Variants in CNTN3 observed in about 807,000 individuals in gnomAD.
CNTN3 encodes the protein contactin-3.
A neutral mutation model predicts 119.1 loss-of-function variants in CNTN3; 60 were observed. The ratio of observed to expected loss-of-function variants is 0.50; its 90% CI spans 0.41 to 0.62. The LOEUF is 0.62. CNTN3 is among the 20% of genes least tolerant of loss of function. The pLI, the probability that CNTN3 is intolerant of heterozygous loss-of-function variation, is 0.00. For missense variants in CNTN3, 1,101 were observed against 1,242.4 expected (o/e 0.89, Z 1.71); for synonymous variants, 450 against 438.7 (o/e 1.03, Z -0.32).
chr3:74,575,578 G>C (rs1704401177), intron 1 of CNTN3, among the ~76,000 whole-genome samples: 1 of 140,568 alleles, frequency 7.1e-6, no homozygotes, highest in Non-Finnish European at 1.5e-5. Flanking sequence ...ATATTCAACT[G>C]TGATTCATTT....
intron 5 of CNTN3, among the ~76,000 whole-genome samples, chr3:74,373,983 T>C (rs1704406621): frequency 6.6e-6 from 1 of 152,166 alleles, no homozygotes; most frequent in Non-Finnish European, 1.5e-5. Flanking sequence ...CACAGTTGAC[T>C]GATGGCCTCT....
At chr3:74,468,529 G>A (rs1388492435) in intron 4 of CNTN3, among the ~76,000 whole-genome samples, 1 of 152,040 alleles carries the variant, frequency 6.6e-6, no homozygotes, top group African/African-American at 2.4e-5. Context: ...TGATAGAGAT[G>A]ACCCCATTCT....
intron 19 of CNTN3, among the ~76,000 whole-genome samples, chr3:74,285,813 ATATATATATATATATATATATATAT>A (rs1702103251): frequency 8.0e-5 from 9 of 111,878 alleles, no homozygotes; most frequent in African/African-American, 4.3e-4. Context: ...ATATATATAT[ATATATATATATATATATATATATAT>A]AAAATTAAAA....
chr3:74,329,996 C>G (rs143840339), intron 13 of CNTN3, among the ~76,000 whole-genome samples: 1 of 152,140 alleles, frequency 6.6e-6, no homozygotes, highest in Non-Finnish European at 1.5e-5. Context: ...AATACAGTTA[C>G]GTGTCACCAC....
intron 5 of CNTN3, among the ~76,000 whole-genome samples, chr3:74,390,596 T>A (rs1704874745): frequency 6.6e-6 from 1 of 152,070 alleles, no homozygotes; most frequent in South Asian, 2.1e-4. Flanking sequence ...AGGTAAGCAG[T>A]CCTTACTTGG....
chr3:74,454,048 T>C (rs1312189220), intron 4 of CNTN3, among the ~76,000 whole-genome samples: 5 of 140,618 alleles, frequency 3.6e-5, no homozygotes, highest in Non-Finnish European at 7.7e-5. Flanking sequence ...AGAGCTGAGT[T>C]CAATTCCTGG....
chr3:74,497,781 AG>A (rs1201289864), intron 3 of CNTN3, among the ~76,000 whole-genome samples: 2 of 151,888 alleles, frequency 1.3e-5, no homozygotes, highest in African/African-American at 4.8e-5. Context: ...TATAAATGCC[AG>A]GATGACATCC....
At chr3:74,515,457 A>G (rs1319985234) in intron 2 of CNTN3, among the ~76,000 whole-genome samples, 2 of 152,024 alleles carry the variant, frequency 1.3e-5, no homozygotes, top group African/African-American at 4.8e-5. Flanking sequence ...TGGCATACAC[A>G]TACTATAAAG....
chr3:74,333,816 C>T (rs1248626692), intron 13 of CNTN3, among the ~76,000 whole-genome samples: 1 of 152,140 alleles, frequency 6.6e-6, no homozygotes, highest in South Asian at 2.1e-4. Context: ...AAGTCTTTGT[C>T]AAATGAACAC....
intron 11 of CNTN3, among the ~76,000 whole-genome samples, chr3:74,353,745 G>GAC (rs961699830): frequency 6.6e-5 from 10 of 151,864 alleles, no homozygotes; most frequent in African/African-American, 2.4e-4. Context: ...GACAGAGCGA[G>GAC]ACTCCGTCTC....
At chr3:74,360,890 G>A (rs915684543) in intron 11 of CNTN3, among the ~76,000 whole-genome samples, 5 of 151,968 alleles carry the variant, frequency 3.3e-5, no homozygotes, top group Non-Finnish European at 5.9e-5. Flanking sequence ...GGGCTCAGAT[G>A]ATTACTTTGG....
At chr3:74,578,854 T>C (rs1377854282) in intron 1 of CNTN3, among the ~76,000 whole-genome samples, 1 of 151,960 alleles carries the variant, frequency 6.6e-6, no homozygotes, top group African/African-American at 2.4e-5. Context: ...AGGATAAAAT[T>C]AAATGACACA....
chr3:74,471,370 C>T lies in CNTN3; in HGVS notation c.358+15086G>A, dbSNP rs77025550. 5.4e-3 allele frequency among the ~76,000 whole-genome samples: 825 copies of T among 152,242 alleles called. 4 individuals are homozygous for T. Among genetic ancestry groups the T allele is most frequent in the African/African-American group, 0.019 (782 of 41,540 alleles). Reference sequence around the variant, plus strand: ...AAAAAAAAGAAAAATACTCCACATTCCCCACATGCCATCCATTACTGCATT... The same window carrying T: ...AAAAAAAAGAAAAATACTCCACATTTCCCACATGCCATCCATTACTGCATT... On this transcript the variant is annotated intron_variant, in intron 4 of 22. Transcript: ENST00000263665.
chr3:74,488,948 G>A (rs1702910586), intron 3 of CNTN3, among the ~76,000 whole-genome samples: 1 of 152,094 alleles, frequency 6.6e-6, no homozygotes, highest in Non-Finnish European at 1.5e-5. Flanking sequence ...ATGAACATTT[G>A]TGTCACTATG....
chr3:74,263,683 G>C lies in CNTN3; in HGVS notation c.*718C>G, dbSNP rs886222308. 4 of 151,912 alleles carry C rather than the reference G, an allele frequency of 2.6e-5. No individual in the cohort carries two copies. Among genetic ancestry groups the C allele is most frequent in the Non-Finnish European group, 5.9e-5 (4 of 67,944 alleles). The allele number at this position is 151,912 out of a possible 1,614,324, so 9.4% of individuals were successfully genotyped here. ...ATTTTGCATGGGTCAATTGCATTTG[G>C]GGTGACAAAAGCACTTTCATACTTC... is the stretch of plus-strand genomic sequence containing the variant. On this transcript the variant is annotated 3_prime_UTR_variant, in exon 23 of 23. Coordinates refer to ENST00000263665, the MANE Select transcript of CNTN3 (RefSeq NM_020872.3).
At chr3:74,426,554 C>T (rs1194693275) in intron 4 of CNTN3, among the ~76,000 whole-genome samples, 4 of 152,074 alleles carry the variant, frequency 2.6e-5, no homozygotes, top group African/African-American at 9.7e-5. Context: ...GTTATTGTTA[C>T]TGAAAAATAG....
chr3:74,448,558 C>A (rs1234995029), intron 4 of CNTN3, among the ~76,000 whole-genome samples: 1 of 152,196 alleles, frequency 6.6e-6, no homozygotes, highest in East Asian at 1.9e-4. Context: ...ACCTGCTAAC[C>A]TGAGGAACTT....
chr3:74,594,273 C>CTTTTTTTTTTTTTTTTTTTTT (rs59436860), intron 1 of CNTN3, among the ~76,000 whole-genome samples: 1 of 112,056 alleles, frequency 8.9e-6, no homozygotes, highest in African/African-American at 3.0e-5. Flanking sequence ...TTCTTTTTTT[C>CTTTTTTTTTTTTTTTTTTTTT]TTTTTTTTTT....
intron 1 of CNTN3, among the ~76,000 whole-genome samples, chr3:74,582,796 T>A (rs984166606): frequency 6.6e-6 from 1 of 151,966 alleles, no homozygotes; most frequent in Non-Finnish European, 1.5e-5. Context: ...TGTGTGTGTG[T>A]GTGTGTGTGT....
Sources: allele counts gnomAD v4.1 joint callset (sites outside exome capture counted in the v4.1 genomes callset), GRCh38; gene constraint gnomAD v4.1.1; transcripts MANE v1.5; gene names NCBI Gene and HGNC (gene_info 2026-07-23, HGNC 2026-07-21).